EHBP1: variants seen among roughly 807,000 people sequenced by gnomAD.
EHBP1 encodes EH domain-binding protein 1.
Under a neutral mutation model 144.0 loss-of-function variants are expected in EHBP1, and 55 were observed. The observed-to-expected ratio is 0.38, with a 90% CI of 0.31 to 0.48. The LOEUF is 0.48. EHBP1 is among the 20% of genes least tolerant of loss of function. The probability of loss-of-function intolerance (pLI) is 0.98; values close to 1 mark genes in which losing one functional copy is unlikely to be tolerated. For synonymous variants in EHBP1, 469 were observed against 472.7 expected, an observed-to-expected ratio of 0.99 and a Z score of 0.10; for missense variants, 1,200 against 1,364.2, an observed-to-expected ratio of 0.88 and a Z score of 1.90.
At chr2:62,866,322 A>G (rs1004069717) in intron 9 of EHBP1, among the ~76,000 whole-genome samples, 2 of 152,232 alleles carry the variant, frequency 1.3e-5, no homozygotes, top group Non-Finnish European at 2.9e-5. Context: ...AGCACACAAA[A>G]CATGAAATTC....
At chr2:62,724,046 G>A (rs947652858) in intron 2 of EHBP1, among the ~76,000 whole-genome samples, 1 of 152,170 alleles carries the variant, frequency 6.6e-6, no homozygotes, top group African/African-American at 2.4e-5. Context: ...AGTTCTCATG[G>A]ATGGTATCCT....
chr2:62,984,851 A>T (rs2059121962), intron 15 of EHBP1, among the ~76,000 whole-genome samples: 1 of 152,214 alleles, frequency 6.6e-6, no homozygotes, highest in Non-Finnish European at 1.5e-5. Flanking sequence ...GTTTAACATC[A>T]TACAGGAACC....
At chr2:62,959,177 G>T (rs1037961901) in intron 14 of EHBP1, among the ~76,000 whole-genome samples, 1 of 152,130 alleles carries the variant, frequency 6.6e-6, no homozygotes, top group Non-Finnish European at 1.5e-5. Flanking sequence ...TGTCATCAAG[G>T]CTCATCTATG....
intron 5 of EHBP1, among the ~76,000 whole-genome samples, chr2:62,789,353 C>A (rs149699126): frequency 6.6e-6 from 1 of 152,120 alleles, no homozygotes; most frequent in South Asian, 2.1e-4. Flanking sequence ...CATCTGCTGA[C>A]GTTTTAATTT....
rs535395339 is a variant in EHBP1, at chr2:62,988,985, C to G, written c.2609-1731C>G. Among the ~76,000 whole-genome samples the G allele has an allele frequency of 4.6e-5, 7 of 152,188 alleles. No individual in the cohort carries two copies. The South Asian group carries it at 1.5e-3, about 32-fold the overall frequency. On this transcript the variant is annotated intron_variant, in intron 15 of 22. Coordinates refer to ENST00000431489, the MANE Select transcript of EHBP1 (RefSeq NM_001142616.3). ...GTGACCAGGGTTTTCCTGACTATAACGAACACTCAAGAAAACTCATGCCCT... is the reference window on the plus strand; with the variant it reads ...GTGACCAGGGTTTTCCTGACTATAAGGAACACTCAAGAAAACTCATGCCCT...
At position 62,756,666 on chromosome 2, in the gene EHBP1, G is replaced by A. The variant is rs369849280; in HGVS notation, c.163-7600G>A. Among the ~76,000 whole-genome samples, 22 of 151,824 alleles carry A rather than the reference G, an allele frequency of 1.4e-4. No individual in the cohort carries two copies. In the East Asian group the frequency reaches 2.3e-3, roughly 16 times the overall value. On this transcript the variant is annotated intron_variant, in intron 3 of 22. Coordinates refer to ENST00000431489, the MANE Select transcript of EHBP1 (RefSeq NM_001142616.3). ...TGCTTGTAATCCCAGCTACGCGGGCGCTGAGGCAGGAGAATAGCTTGAACC... is the reference window on the plus strand; with the variant it reads ...TGCTTGTAATCCCAGCTACGCGGGCACTGAGGCAGGAGAATAGCTTGAACC...
intron 10 of EHBP1, among the ~76,000 whole-genome samples, chr2:62,928,216 A>C (rs1213710877): frequency 2.0e-5 from 3 of 152,182 alleles, no homozygotes; most frequent in Non-Finnish European, 4.4e-5. Flanking sequence ...TGAAAGTGTC[A>C]TGCCTGTTAG....
At position 63,010,725 on chromosome 2, in the gene EHBP1, G is replaced by A. The variant is rs1185861596; in HGVS notation, c.3103+13959G>A. Among the ~76,000 whole-genome samples the A allele has an allele frequency of 2.0e-5, 3 of 151,688 alleles. No homozygotes were observed. In the East Asian group the frequency reaches 5.8e-4, roughly 29 times the overall value. On this transcript the variant is annotated intron_variant, in intron 19 of 22. Transcript: ENST00000431489. The stretch of plus-strand genomic sequence containing the variant: ...GGTTTTAGGGTTTTTAAAAATAGAT[G>A]TCCATATATTGTTAAAATATTGTTA...
At chr2:62,951,436 A>G (rs781651704) in intron 13 of EHBP1, among the ~76,000 whole-genome samples, 3 of 151,450 alleles carry the variant, frequency 2.0e-5, no homozygotes, top group African/African-American at 2.4e-5. Flanking sequence ...ATGTCCACAC[A>G]TAGTAGATAA....
chr2:62,847,437 G>A (rs1450259246), intron 7 of EHBP1, among the ~76,000 whole-genome samples: 5 of 152,156 alleles, frequency 3.3e-5, no homozygotes, highest in Non-Finnish European at 7.3e-5. Context: ...TGACCTCATG[G>A]TAGGCAGAGG....
At chr2:62,971,650 A>G (rs1404104648) in intron 14 of EHBP1, among the ~76,000 whole-genome samples, 1 of 152,184 alleles carries the variant, frequency 6.6e-6, no homozygotes, top group Non-Finnish European at 1.5e-5. Context: ...TGGGCGGTAT[A>G]TTTAAGTGAG....
intron 19 of EHBP1, among the ~76,000 whole-genome samples, chr2:63,003,692 C>A (rs912776868): frequency 6.6e-6 from 1 of 151,980 alleles, no homozygotes; most frequent in Non-Finnish European, 1.5e-5. Context: ...TACTGCATTG[C>A]CCTGATGATG....
At chr2:62,900,832 CAACTT>C (rs1213715122) in intron 10 of EHBP1, among the ~76,000 whole-genome samples, 2 of 151,938 alleles carry the variant, frequency 1.3e-5, no homozygotes, top group Non-Finnish European at 2.9e-5. Flanking sequence ...ATTTTGCTGT[CAACTT>C]AAACTATGCA....
chr2:62,729,528 A>AT (rs2037262884), intron 2 of EHBP1, among the ~76,000 whole-genome samples: 6 of 121,724 alleles, frequency 4.9e-5, no homozygotes, highest in South Asian at 4.5e-4. Context: ...AAATAAATAT[A>AT]ATATATATAA....
At chr2:62,895,684 G>A (rs566592053) in intron 10 of EHBP1, among the ~76,000 whole-genome samples, 184 of 152,286 alleles carry the variant, frequency 1.2e-3, no homozygotes, top group African/African-American at 3.9e-3. Flanking sequence ...ATGAAGACAA[G>A]GATATAGATG....
chr2:63,029,081 T>G (rs2153333292), intron 19 of EHBP1, among the ~76,000 whole-genome samples: 1 of 152,322 alleles, frequency 6.6e-6, no homozygotes, highest in East Asian at 1.9e-4. Flanking sequence ...TTTTATTTTT[T>G]GATATTAAGC....
intron 10 of EHBP1, among the ~76,000 whole-genome samples, chr2:62,927,496 TA>T (rs1313671367): frequency 2.0e-5 from 3 of 152,074 alleles, no homozygotes; most frequent in Non-Finnish European, 2.9e-5. Flanking sequence ...ATTTGTCAAT[TA>T]AAAAATAAAG....
intron 5 of EHBP1, among the ~76,000 whole-genome samples, chr2:62,788,327 C>A (rs192488422): frequency 6.6e-6 from 1 of 151,886 alleles, no homozygotes; most frequent in African/African-American, 2.4e-5. Context: ...AGTCATAATT[C>A]GTATGTGTTG....
intron 19 of EHBP1, among the ~76,000 whole-genome samples, chr2:63,020,339 A>AG (rs1559076109): frequency 1.3e-5 from 2 of 150,164 alleles, no homozygotes; most frequent in African/African-American, 4.9e-5. Context: ...AAAAAAAAAA[A>AG]AAAAAAAGAA....
Sources: allele counts gnomAD v4.1 joint callset (sites outside exome capture counted in the v4.1 genomes callset), GRCh38; gene constraint gnomAD v4.1.1; transcripts MANE v1.5; gene names NCBI Gene and HGNC (gene_info 2026-07-23, HGNC 2026-07-21).